Variants in GRIA1 observed in about 807,000 individuals in gnomAD.
GRIA1 encodes glutamate ionotropic receptor AMPA type subunit 1, also known as glutamate receptor 1.
Under a neutral mutation model 99.2 loss-of-function variants are expected in GRIA1, and 31 were observed. The ratio of observed to expected loss-of-function variants is 0.31; its 90% CI spans 0.23 to 0.42. GRIA1 has a LOEUF of 0.42. Ranked by LOEUF, GRIA1 falls within the 10% of genes least tolerant of loss-of-function variation. GRIA1 has a pLI of 1.00. For missense variants in GRIA1, 782 were observed against 1,157.5 expected, an observed-to-expected ratio of 0.68 and a Z score of 4.71; for synonymous variants, 438 against 432.4, an observed-to-expected ratio of 1.01 and a Z score of -0.16.
intron 2 of GRIA1, among the ~76,000 whole-genome samples, chr5:153,587,706 A>G (rs1763614449): frequency 2.6e-5 from 4 of 152,152 alleles, no homozygotes; most frequent in Admixed American, 2.6e-4. Context: ...CATTCATTCA[A>G]CATACGCTGA....
At chr5:153,725,336 C>G (rs973469729) in intron 11 of GRIA1, among the ~76,000 whole-genome samples, 27 of 151,178 alleles carry the variant, frequency 1.8e-4, no homozygotes, top group Non-Finnish European at 3.7e-4. Context: ...GAAACTGCAT[C>G]AACTAACAAG....
rs1448097962 is a variant in GRIA1, at chr5:153,812,427, C to T, written c.*1202C>T. 1 of 152,138 alleles carries T rather than the reference C, an allele frequency of 6.6e-6. No homozygotes were observed. Among genetic ancestry groups the T allele is most frequent in the Non-Finnish European group, 1.5e-5 (1 of 68,040 alleles). 9.4% of individuals were successfully genotyped at this position (152,138 alleles called of 1,614,324 possible). On this transcript the variant is annotated 3_prime_UTR_variant, in exon 16 of 16. Transcript: ENST00000285900. ...ATGAAGTTTATGCTGATGCAAAGAA[C>T]TTGGGTTTTTATGTTAATATAAAGT...
intron 14 of GRIA1, chr5:153,795,635 GCA>G (rs755316676): frequency 1.3e-5 from 15 of 1,134,876 alleles, no homozygotes; most frequent in South Asian, 5.0e-5. Flanking sequence ...TAACAAAAAT[GCA>G]CAGTGTTGAA....
intron 6 of GRIA1, among the ~76,000 whole-genome samples, chr5:153,676,178 A>C (rs1402148061): frequency 6.6e-6 from 1 of 152,234 alleles, no homozygotes. Context: ...TTTTTAAAAA[A>C]GAAGTGAGAG....
At chr5:153,609,569 T>C (rs1159807998) in intron 2 of GRIA1, among the ~76,000 whole-genome samples, 2 of 140,282 alleles carry the variant, frequency 1.4e-5, no homozygotes, top group Non-Finnish European at 3.1e-5. Context: ...TTTTTTTTTT[T>C]TTTTTTTTTT....
chr5:153,638,871 AAGG>A (rs1201756417), intron 2 of GRIA1, among the ~76,000 whole-genome samples: 3 of 152,190 alleles, frequency 2.0e-5, no homozygotes, highest in Admixed American at 6.5e-5. Context: ...GGTCTTTATG[AAGG>A]AGATGGCATT....
At chr5:153,567,180 C>A (rs1305999319) in intron 2 of GRIA1, among the ~76,000 whole-genome samples, 1 of 152,116 alleles carries the variant, frequency 6.6e-6, no homozygotes, top group Admixed American at 6.6e-5. Flanking sequence ...CCTTGAGTGT[C>A]CATTATGTGT....
At chr5:153,567,194 G>A (rs985533592) in intron 2 of GRIA1, among the ~76,000 whole-genome samples, 5 of 152,066 alleles carry the variant, frequency 3.3e-5, no homozygotes, top group Non-Finnish European at 5.9e-5. Context: ...TATGTGTCAG[G>A]AACTTTTCTA....
intron 3 of GRIA1, among the ~76,000 whole-genome samples, chr5:153,648,425 A>G (rs560525599): frequency 4.6e-5 from 7 of 152,114 alleles, no homozygotes; most frequent in Non-Finnish European, 1.0e-4. Context: ...CACACTCTCA[A>G]AAGAGCTCCA....
chr5:153,553,856 C>T (rs1050497685), intron 2 of GRIA1, among the ~76,000 whole-genome samples: 6 of 152,118 alleles, frequency 3.9e-5, no homozygotes, highest in Admixed American at 1.3e-4. Context: ...GTTTAATAAT[C>T]GCCTATCATC....
At chr5:153,626,423 C>G (rs1005980047) in intron 2 of GRIA1, among the ~76,000 whole-genome samples, 4 of 145,396 alleles carry the variant, frequency 2.8e-5, no homozygotes, top group Non-Finnish European at 6.1e-5. Context: ...AATGACAAAT[C>G]TAGTCTCTGT....
chr5:153,702,715 C>T (rs1399753388), intron 10 of GRIA1, among the ~76,000 whole-genome samples: 6 of 152,250 alleles, frequency 3.9e-5, no homozygotes, highest in Admixed American at 6.5e-5. Flanking sequence ...GAAACTCTGG[C>T]GTGTGTGTCT....
intron 2 of GRIA1, among the ~76,000 whole-genome samples, chr5:153,521,921 T>G (rs1238227634): frequency 6.6e-6 from 1 of 152,228 alleles, no homozygotes; most frequent in East Asian, 1.9e-4. Flanking sequence ...TTTATTAATT[T>G]GATTTTACAG....
At chr5:153,807,720 A>G (rs1766535512) in intron 15 of GRIA1, among the ~76,000 whole-genome samples, 1 of 152,200 alleles carries the variant, frequency 6.6e-6, no homozygotes, top group Non-Finnish European at 1.5e-5. Flanking sequence ...TACATAACCT[A>G]AGACACATTG....
chr5:153,698,212 GTTTT>G, intron 9 of GRIA1, 58 bp downstream of exon 9: 1 of 935,682 alleles, frequency 1.1e-6, no homozygotes, highest in African/African-American at 1.6e-5. Flanking sequence ...CAGCACAAGG[GTTTT>G]CCACCAGGAC....
intron 2 of GRIA1, among the ~76,000 whole-genome samples, chr5:153,522,897 G>T (rs1757276568): frequency 6.6e-6 from 1 of 152,086 alleles, no homozygotes; most frequent in Non-Finnish European, 1.5e-5. Context: ...CAAAAATAGG[G>T]CCTAGAACAT....
chr5:153,585,719 A>G (rs1385588365), intron 2 of GRIA1, among the ~76,000 whole-genome samples: 2 of 152,098 alleles, frequency 1.3e-5, no homozygotes, highest in African/African-American at 2.4e-5. Flanking sequence ...GTCCATGCTG[A>G]CTAGATTCCT....
At chr5:153,597,842 TAA>T (rs372705510) in intron 2 of GRIA1, among the ~76,000 whole-genome samples, 9 of 142,078 alleles carry the variant, frequency 6.3e-5, no homozygotes, top group Admixed American at 7.0e-5. Context: ...ACCCCGTCTC[TAA>T]AAAAAAAAAA....
chr5:153,541,707 G>A (rs1561625746), intron 2 of GRIA1, among the ~76,000 whole-genome samples: 2 of 151,980 alleles, frequency 1.3e-5, no homozygotes, highest in East Asian at 1.9e-4. Context: ...CAAAGCAGGC[G>A]GATCAAGAGG....
Sources: gnomAD v4.1 joint callset for allele counts (sites outside exome capture counted in the v4.1 genomes callset) on GRCh38, gnomAD v4.1.1 for gene constraint, MANE v1.5 for transcripts, NCBI Gene and HGNC (gene_info 2026-07-23, HGNC 2026-07-21) for gene names.